HDAC9: variants seen among roughly 807,000 people sequenced by gnomAD.
HDAC9 encodes the protein histone deacetylase 9, also known as MEF-2 interacting transcription repressor (MITR) protein.
In HDAC9, 41 loss-of-function variants were observed where a neutral mutation model predicts 139.4. The ratio of observed to expected loss-of-function variants is 0.29; its 90% CI spans 0.23 to 0.38. The LOEUF is 0.38. HDAC9 is among the 10% of genes least tolerant of loss of function. The probability of loss-of-function intolerance (pLI) is 1.00; values close to 1 mark genes in which losing one functional copy is unlikely to be tolerated. For synonymous variants in HDAC9, 517 were observed against 476.2 expected (o/e 1.09, Z -1.12); for missense variants, 1,147 against 1,297.0 (o/e 0.88, Z 1.78).
intron 2 of HDAC9, among the ~76,000 whole-genome samples, chr7:18,192,255 C>T (rs765864885): frequency 2.0e-5 from 3 of 152,116 alleles, no homozygotes; most frequent in Non-Finnish European, 4.4e-5. Context: ...AATGCAACTT[C>T]TTGGTAGTGT....
At chr7:18,608,025 G>A (rs904901833) in intron 6 of HDAC9, among the ~76,000 whole-genome samples, 3 of 152,082 alleles carry the variant, frequency 2.0e-5, no homozygotes, top group African/African-American at 4.8e-5. Flanking sequence ...AAAGCATTTA[G>A]CCATCTGTTG....
At chr7:18,746,797 C>G (rs1031448020) in intron 13 of HDAC9, among the ~76,000 whole-genome samples, 1 of 152,162 alleles carries the variant, frequency 6.6e-6, no homozygotes, top group Non-Finnish European at 1.5e-5. Context: ...ATCATCTGCA[C>G]TCTCAAAGAT....
chr7:18,866,525 C>T (rs1798512625), intron 21 of HDAC9, among the ~76,000 whole-genome samples: 1 of 152,100 alleles, frequency 6.6e-6, no homozygotes, highest in Non-Finnish European at 1.5e-5. Flanking sequence ...GTTTGTTTTC[C>T]ACCTGCCTTT....
intron 1 of HDAC9, among the ~76,000 whole-genome samples, chr7:18,412,103 C>T (rs1345591837): frequency 6.6e-6 from 1 of 152,038 alleles, no homozygotes; most frequent in East Asian, 1.9e-4. Flanking sequence ...GCTGGGATTA[C>T]AGGTGTGAGC....
chr7:18,912,279 T>C (rs973581846), intron 22 of HDAC9, among the ~76,000 whole-genome samples: 10 of 152,110 alleles, frequency 6.6e-5, no homozygotes, highest in African/African-American at 2.2e-4. Context: ...TCCTCTCTTA[T>C]GTTCACTTTT....
intron 1 of HDAC9, among the ~76,000 whole-genome samples, chr7:18,128,975 C>A (rs1334431367): frequency 6.6e-6 from 1 of 152,078 alleles, no homozygotes; most frequent in Admixed American, 6.6e-5. Context: ...GTTACATTGC[C>A]TTATCTGGAT....
intron 1 of HDAC9, among the ~76,000 whole-genome samples, chr7:18,445,792 G>T (rs1792237975): frequency 6.6e-6 from 1 of 152,202 alleles, no homozygotes; most frequent in Non-Finnish European, 1.5e-5. Flanking sequence ...CAGCCAAAAA[G>T]ATAGTTGACA....
intron 1 of HDAC9, among the ~76,000 whole-genome samples, chr7:18,134,732 C>A (rs1392265541): frequency 6.6e-6 from 1 of 152,090 alleles, no homozygotes; most frequent in Non-Finnish European, 1.5e-5. Flanking sequence ...TGACTGATAC[C>A]AGAAATATTC....
At chr7:18,128,484 T>C (rs1437816406) in intron 1 of HDAC9, among the ~76,000 whole-genome samples, 1 of 151,992 alleles carries the variant, frequency 6.6e-6, no homozygotes, top group East Asian at 1.9e-4. Context: ...TGTTACTGGC[T>C]TCAACAGAGT....
intron 1 of HDAC9, among the ~76,000 whole-genome samples, chr7:18,133,568 G>A (rs548383704): frequency 2.6e-4 from 40 of 152,196 alleles, no homozygotes; most frequent in African/African-American, 7.5e-4. Context: ...GCAATTATAG[G>A]ATGCACATGT....
At chr7:18,349,477 A>T (rs1782688144) in intron 1 of HDAC9, among the ~76,000 whole-genome samples, 1 of 152,096 alleles carries the variant, frequency 6.6e-6, no homozygotes, top group Non-Finnish European at 1.5e-5. Context: ...GTATAATGTT[A>T]GTGCCTGAGA....
chr7:18,738,658 G>T (rs1331533959), intron 13 of HDAC9, among the ~76,000 whole-genome samples: 2 of 152,148 alleles, frequency 1.3e-5, no homozygotes, highest in African/African-American at 4.8e-5. Flanking sequence ...TCCCTTTGTG[G>T]GTAACCCGAC....
intron 12 of HDAC9, among the ~76,000 whole-genome samples, chr7:18,700,504 C>T (rs1374828599): frequency 6.6e-6 from 1 of 152,214 alleles, no homozygotes; most frequent in Non-Finnish European, 1.5e-5. Flanking sequence ...TAACAGTTTT[C>T]AGTCACTCTG....
chr7:18,873,662 C>T (rs990868521), intron 21 of HDAC9, among the ~76,000 whole-genome samples: 6 of 152,056 alleles, frequency 3.9e-5, no homozygotes, highest in African/African-American at 9.7e-5. Flanking sequence ...GTGCAGTTTC[C>T]CCATCTCAGT....
chr7:18,328,025 C>T (rs551160706), intron 1 of HDAC9, among the ~76,000 whole-genome samples: 7 of 152,018 alleles, frequency 4.6e-5, no homozygotes, highest in African/African-American at 1.4e-4. Flanking sequence ...GTAATTATGA[C>T]TGGAAAACAT....
chr7:18,255,954 C>G (rs1055700558), intron 2 of HDAC9, among the ~76,000 whole-genome samples: 4 of 152,046 alleles, frequency 2.6e-5, no homozygotes, highest in Non-Finnish European at 4.4e-5. Flanking sequence ...CACAACTCAT[C>G]ATGTGATGTG....
intron 23 of HDAC9, among the ~76,000 whole-genome samples, chr7:18,941,574 T>C (rs1034423554): frequency 1.3e-5 from 2 of 152,138 alleles, no homozygotes; most frequent in Non-Finnish European, 2.9e-5. Flanking sequence ...GCTTAGTCCA[T>C]TGGGGAATTG....
chr7:18,736,120 TAAG>T (rs1259219633), intron 13 of HDAC9, among the ~76,000 whole-genome samples: 1 of 152,242 alleles, frequency 6.6e-6, no homozygotes, highest in East Asian at 1.9e-4. Context: ...CTTATCAGCT[TAAG>T]GAGATTTTGG....
At chr7:18,212,426 G>T (rs1378660652) in intron 2 of HDAC9, among the ~76,000 whole-genome samples, 1 of 152,066 alleles carries the variant, frequency 6.6e-6, no homozygotes, top group African/African-American at 2.4e-5. Context: ...GTTAATATTA[G>T]CTCAGGCTCT....
Sources: allele counts gnomAD v4.1 joint callset (sites outside exome capture counted in the v4.1 genomes callset), GRCh38; gene constraint gnomAD v4.1.1; transcripts MANE v1.5; gene names NCBI Gene and HGNC (gene_info 2026-07-23, HGNC 2026-07-21).